The following DACH2 variants were observed in gnomAD, a reference collection of about 807,000 sequenced individuals.
The protein encoded by DACH2 is dachshund homolog 2.
DACH2 carries 17 observed loss-of-function variants against 35.8 expected under a neutral mutation model. The observed-to-expected ratio is 0.48, with a 90% CI of 0.33 to 0.71. The LOEUF (loss-of-function observed/expected upper bound fraction) is 0.71, where lower values mean the gene tolerates loss of function less well. Among genes scored for constraint, DACH2 ranks in the 30% least tolerant of loss-of-function variants. The pLI is 0.02. For missense variants in DACH2, 469 were observed against 472.7 expected, an observed-to-expected ratio of 0.99 and a Z score of 0.07; for synonymous variants, 195 against 177.3, an observed-to-expected ratio of 1.10 and a Z score of -0.79.
intron 7 of DACH2, among the ~76,000 whole-genome samples, chrX:86,779,307 C>T (rs12710589): frequency 9.1e-6 from 1 of 109,774 alleles, no homozygotes; most frequent in South Asian, 3.8e-4. Context: ...TGTCTGAGGA[C>T]AGATCATTAT....
intron 3 of DACH2, among the ~76,000 whole-genome samples, chrX:86,575,926 A>G (rs1194872058): frequency 1.8e-5 from 2 of 112,341 alleles, no homozygotes; most frequent in Non-Finnish European, 3.8e-5. Flanking sequence ...TATCTTTACT[A>G]GTTATGAAAA....
intron 1 of DACH2, among the ~76,000 whole-genome samples, chrX:86,335,480 T>C (rs193159693): frequency 9.0e-6 from 1 of 111,431 alleles, no homozygotes; most frequent in East Asian, 2.8e-4. Flanking sequence ...CCCTTGGAAG[T>C]TGGATTCCTA....
At chrX:86,258,698 A>G (rs2147959940) in intron 1 of DACH2, among the ~76,000 whole-genome samples, 1 of 111,525 alleles carries the variant, frequency 9.0e-6, no homozygotes, top group South Asian at 3.7e-4. Context: ...AGTTTAATAC[A>G]TTTTCCAGTA....
At chrX:86,689,858 G>T (rs2040990339) in intron 4 of DACH2, among the ~76,000 whole-genome samples, 1 of 111,439 alleles carries the variant, frequency 9.0e-6, no homozygotes, top group Non-Finnish European at 1.9e-5. Flanking sequence ...TTTGTACATT[G>T]CAAAATGTAG....
chrX:86,410,564 C>T (rs1008833016), intron 2 of DACH2, among the ~76,000 whole-genome samples: 2 of 111,366 alleles, frequency 1.8e-5, no homozygotes, highest in African/African-American at 6.5e-5. Context: ...TTCCCAAAAA[C>T]ATGGGAAAGT....
intron 11 of DACH2, chrX:86,831,533 C>T (rs1394722276): frequency 9.0e-6 from 1 of 110,742 alleles, no homozygotes; most frequent in Non-Finnish European, 1.9e-5. Context: ...AACTTTTACC[C>T]ACCCAAATTA....
intron 1 of DACH2, among the ~76,000 whole-genome samples, chrX:86,301,457 G>A (rs953654909): frequency 4.5e-5 from 5 of 111,664 alleles, no homozygotes; most frequent in African/African-American, 1.6e-4. Flanking sequence ...AAACTGCCCT[G>A]TGGTCAATGA....
intron 1 of DACH2, among the ~76,000 whole-genome samples, chrX:86,359,528 G>T (rs113190475): frequency 0.017 from 1,849 of 111,630 alleles, 11 homozygotes; most frequent in Middle Eastern, 0.028. Context: ...CCAAAGGATT[G>T]GTTGAGGCCA....
chrX:86,669,490 A>G (rs1022543252), intron 4 of DACH2, among the ~76,000 whole-genome samples: 8 of 111,616 alleles, frequency 7.2e-5, no homozygotes, highest in Non-Finnish European at 1.3e-4. Flanking sequence ...TCACATCAAC[A>G]TATTTCCTTT....
chrX:86,320,611 G>T (rs747924899), intron 1 of DACH2, among the ~76,000 whole-genome samples: 2 of 112,271 alleles, frequency 1.8e-5, no homozygotes, highest in African/African-American at 6.5e-5. Flanking sequence ...AAGTTATTCC[G>T]CATGGTTAAC....
chrX:86,459,145 C>T (rs2037525474), intron 2 of DACH2, among the ~76,000 whole-genome samples: 1 of 111,752 alleles, frequency 8.9e-6, no homozygotes, highest in African/African-American at 3.3e-5. Flanking sequence ...TAAACATTTT[C>T]TTTCCACCTC....
intron 1 of DACH2, among the ~76,000 whole-genome samples, chrX:86,214,335 G>GTTTA (rs2147916705): frequency 8.9e-6 from 1 of 111,876 alleles, no homozygotes; most frequent in Non-Finnish European, 1.9e-5. Flanking sequence ...CATTTGATTG[G>GTTTA]TTATCTTATG....
intron 2 of DACH2, among the ~76,000 whole-genome samples, chrX:86,421,823 A>G (rs2036807852): frequency 9.0e-6 from 1 of 111,080 alleles, no homozygotes; most frequent in African/African-American, 3.3e-5. Context: ...AGAATTATGC[A>G]TATTTTGTTT....
Position 86,795,175 on chromosome X carries a change from G to A in DACH2, c.1241-17681G>A, listed in dbSNP as rs760371513. Among the ~76,000 whole-genome samples, 9 of 109,244 alleles carry A rather than the reference G, an allele frequency of 8.2e-5. No individual in the cohort carries two copies. The South Asian group carries it at 3.6e-3, about 43-fold the overall frequency. The allele number at this position is 109,244 out of a possible 115,157, so 94.9% of individuals were successfully genotyped here. Reference sequence around the variant, plus strand: ...CTAGTGACCAAATAGAATTAAGGAAGTTAAAATCGCTAAGTGAAGTGAGTA... The same window carrying A: ...CTAGTGACCAAATAGAATTAAGGAAATTAAAATCGCTAAGTGAAGTGAGTA... On this transcript the variant is annotated intron_variant, in intron 7 of 11. Coordinates refer to ENST00000373125, the MANE Select transcript of DACH2 (RefSeq NM_053281.3).
At chrX:86,231,085 T>C (rs140847587) in intron 1 of DACH2, among the ~76,000 whole-genome samples, 255 of 112,395 alleles carry the variant, frequency 2.3e-3, no homozygotes, top group African/African-American at 8.0e-3. Context: ...AGATTGTCTG[T>C]TTGTCCTGTT....
intron 6 of DACH2, among the ~76,000 whole-genome samples, chrX:86,726,326 G>T (rs2041469172): frequency 9.0e-6 from 1 of 111,633 alleles, no homozygotes; most frequent in Non-Finnish European, 1.9e-5. Flanking sequence ...CATTGGTGGG[G>T]CACAGCCCAG....
chrX:86,829,775 G>T (rs2042595745), intron 11 of DACH2: 1 of 112,245 alleles, frequency 8.9e-6, no homozygotes. Context: ...GGTCACATTT[G>T]TATGTATCAA....
intron 3 of DACH2, among the ~76,000 whole-genome samples, chrX:86,518,855 A>G (rs2038510979): frequency 8.9e-6 from 1 of 111,915 alleles, no homozygotes; most frequent in Non-Finnish European, 1.9e-5. Flanking sequence ...AGATATATCA[A>G]CTTCCTTTCT....
At chrX:86,524,128 A>G (rs1366668462) in intron 3 of DACH2, among the ~76,000 whole-genome samples, 1 of 112,477 alleles carries the variant, frequency 8.9e-6, no homozygotes, top group Non-Finnish European at 1.9e-5. Flanking sequence ...CAACTATGTC[A>G]GATTTCTTTT....
Sources: allele counts gnomAD v4.1 joint callset (sites outside exome capture counted in the v4.1 genomes callset), GRCh38; gene constraint gnomAD v4.1.1; transcripts MANE v1.5; gene names NCBI Gene and HGNC (gene_info 2026-07-23, HGNC 2026-07-21).